Variants in PDE5A observed in about 807,000 individuals in gnomAD.
PDE5A encodes the protein cGMP-specific 3',5'-cyclic phosphodiesterase.
Under a neutral mutation model 110.2 loss-of-function variants are expected in PDE5A, and 67 were observed. That is an observed-to-expected ratio of 0.61 (90% CI 0.50 to 0.75). The LOEUF (loss-of-function observed/expected upper bound fraction) is 0.75, where lower values mean the gene tolerates loss of function less well. Among genes scored for constraint, PDE5A ranks in the 30% least tolerant of loss-of-function variants. PDE5A has a pLI of 0.00. For missense variants in PDE5A, 862 were observed against 1,045.1 expected, an observed-to-expected ratio of 0.82 and a Z score of 2.42; for synonymous variants, 328 against 351.2, an observed-to-expected ratio of 0.93 and a Z score of 0.74.
rs541313952 is a variant in PDE5A at position 119,568,377 on chromosome 4, C to T, written c.832-1233G>A. ...TTGTAGTTACGAATGTTCACGGGAA[C>T]TATAATAAGAGCCACTTGAAGGTCA... is the stretch of plus-strand genomic sequence containing the variant. On this transcript the variant is annotated intron_variant, in intron 3 of 20. Transcript: ENST00000354960. 9.2e-4 allele frequency among the ~76,000 whole-genome samples: 140 copies of T among 152,126 alleles called. No individual in the cohort carries two copies. In the Middle Eastern group the frequency reaches 0.01, roughly 11 times the overall value.
intron 11 of PDE5A, among the ~76,000 whole-genome samples, chr4:119,526,876 T>C (rs901933416): frequency 1.3e-5 from 2 of 152,126 alleles, no homozygotes; most frequent in African/African-American, 2.4e-5. Context: ...CCAGAAAATA[T>C]GCATTCTGTT....
intron 8 of PDE5A, 64 bp from the exon 9 acceptor site, chr4:119,552,701 G>A: frequency 1.2e-6 from 1 of 846,382 alleles, no homozygotes; most frequent in Non-Finnish European, 1.8e-6. Flanking sequence ...TCCATTAGAT[G>A]CCATATAAAC....
intron 1 of PDE5A, among the ~76,000 whole-genome samples, chr4:119,625,953 C>A (rs772308995): frequency 6.6e-6 from 1 of 152,184 alleles, no homozygotes; most frequent in Non-Finnish European, 1.5e-5. Flanking sequence ...AGGTTATATT[C>A]TTTACTCTGA....
chr4:119,559,142 C>T (rs948733973), intron 7 of PDE5A, among the ~76,000 whole-genome samples: 1 of 152,038 alleles, frequency 6.6e-6, no homozygotes, highest in Non-Finnish European at 1.5e-5. Context: ...AAGATCCTTT[C>T]CATTTTTCCT....
chr4:119,552,772 A>T (rs1303490039), intron 8 of PDE5A, 135 bp from the exon 9 acceptor site: 1 of 451,166 alleles, frequency 2.2e-6, no homozygotes, highest in African/African-American at 2.1e-5. Flanking sequence ...ATTGGAAAGC[A>T]GAAAATGTAT....
At chr4:119,520,799 A>G (rs908009345) in intron 13 of PDE5A, 136 bp downstream of exon 13, 1 of 717,316 alleles carries the variant, frequency 1.4e-6, no homozygotes, top group East Asian at 2.9e-5. Context: ...TTAACGAAAT[A>G]TAACTTATTA....
chr4:119,569,476 TG>T (rs1479321404), intron 3 of PDE5A, among the ~76,000 whole-genome samples: 1 of 151,820 alleles, frequency 6.6e-6, no homozygotes, highest in Admixed American at 6.6e-5. Context: ...ACATATACCC[TG>T]TAAATTTGTA....
At chr4:119,598,337 AT>A (rs1311858797) in intron 2 of PDE5A, among the ~76,000 whole-genome samples, 3 of 152,152 alleles carry the variant, frequency 2.0e-5, no homozygotes, top group Non-Finnish European at 4.4e-5. Context: ...GAATAAATAC[AT>A]CCTTCAAATT....
intron 3 of PDE5A, among the ~76,000 whole-genome samples, chr4:119,576,893 C>T (rs1728372689): frequency 6.6e-6 from 1 of 152,092 alleles, no homozygotes; most frequent in Non-Finnish European, 1.5e-5. Flanking sequence ...ATCAATGAAT[C>T]CAGGAGCTGG....
chr4:119,507,570 A>C (rs1725596844), intron 16 of PDE5A, 34 bp downstream of exon 16: 1 of 1,315,010 alleles, frequency 7.6e-7, no homozygotes, highest in African/African-American at 1.5e-5. Flanking sequence ...AAGACTTCAA[A>C]TACCTATTTC....
At chr4:119,579,265 G>C (rs1728500087) in intron 3 of PDE5A, among the ~76,000 whole-genome samples, 2 of 152,280 alleles carry the variant, frequency 1.3e-5, no homozygotes, top group South Asian at 2.1e-4. Flanking sequence ...TTCAATCATT[G>C]TGGAAGTCAG....
Position 119,542,505 on chromosome 4 carries a change from T to C in PDE5A, c.1526A>G (p.Tyr509Cys). ...CGLGIQNTQM[Y>C]EAVERAMAKQ... ...GGCCATGGCTCTCTCCACTGCTTCATACATCTGCGTGTTCTGGATCCCCAA... is the reference window on the plus strand; with the variant it reads ...GGCCATGGCTCTCTCCACTGCTTCACACATCTGCGTGTTCTGGATCCCCAA... The change falls in exon 10 of 21, where the codon TAT becomes TGT. Residue 509 changes from tyrosine to cysteine, a missense_variant. Coordinates refer to ENST00000354960, the MANE Select transcript of PDE5A (RefSeq NM_001083.4). The C allele has an allele frequency of 6.2e-7, 1 of 1,613,956 alleles. No individual in the cohort carries two copies. The highest frequency in any genetic ancestry group is 8.5e-7 in the Non-Finnish European group (1 of 1,179,914).
At chr4:119,559,480 G>GC (rs1168845273) in intron 7 of PDE5A, among the ~76,000 whole-genome samples, 1 of 151,996 alleles carries the variant, frequency 6.6e-6, no homozygotes, top group African/African-American at 2.4e-5. Flanking sequence ...AAACAGAGAT[G>GC]CCTATATTTC....
rs199940864 is a variant in PDE5A, at chr4:119,498,547, A to T, written c.*54T>A. The T allele has an allele frequency of 5.7e-5, 91 of 1,597,736 alleles. 2 individuals carry two copies. In the South Asian group the frequency reaches 8.6e-4, roughly 15 times the overall value. ...ACAGACAGTGTGTAAGAAACTAGGC[A>T]TATTGCAGAACACACCATCTCTGTA... On this transcript the variant is annotated 3_prime_UTR_variant, in exon 21 of 21. Transcript: ENST00000354960.
intron 14 of PDE5A, among the ~76,000 whole-genome samples, chr4:119,515,684 C>T (rs1199483243): frequency 6.6e-6 from 1 of 152,012 alleles, no homozygotes; most frequent in African/African-American, 2.4e-5. Context: ...ATATCTCCTT[C>T]CTTCATGCTT....
chr4:119,576,445 C>T (rs1728350674), intron 3 of PDE5A, among the ~76,000 whole-genome samples: 1 of 152,126 alleles, frequency 6.6e-6, no homozygotes. Flanking sequence ...AAGTAAAGCT[C>T]TCCTCAGCAA....
At chr4:119,537,697 C>G (rs972303759) in intron 11 of PDE5A, among the ~76,000 whole-genome samples, 1 of 151,814 alleles carries the variant, frequency 6.6e-6, no homozygotes, top group African/African-American at 2.4e-5. Context: ...TTCTAAACAC[C>G]ACCACCTCAT....
At chr4:119,571,519 A>G (rs773688593) in intron 3 of PDE5A, among the ~76,000 whole-genome samples, 4 of 152,214 alleles carry the variant, frequency 2.6e-5, no homozygotes, top group Non-Finnish European at 4.4e-5. Context: ...TATGGAGGCT[A>G]GAAGGGCCAA....
At chr4:119,500,733 T>C (rs1359228448) in intron 20 of PDE5A, 1 of 152,568 alleles carries the variant, frequency 6.6e-6, no homozygotes, top group African/African-American at 2.4e-5. Context: ...TACGTGGAAA[T>C]GGGAACCTGC....
Sources: gnomAD v4.1 joint callset for allele counts (sites outside exome capture counted in the v4.1 genomes callset) on GRCh38, gnomAD v4.1.1 for gene constraint, MANE v1.5 for transcripts, NCBI Gene and HGNC (gene_info 2026-07-23, HGNC 2026-07-21) for gene names.